The following PFKFB4 variants were observed in gnomAD, a reference collection of about 807,000 sequenced individuals.
PFKFB4 encodes the protein 6-phosphofructo-2-kinase/fructose-2,6-biphosphatase 4, also known as 6-phosphofructo-2-kinase/fructose-2,6-bisphosphatase 4.
PFKFB4 carries 42 observed loss-of-function variants against 62.8 expected under a neutral mutation model. That is an observed-to-expected ratio of 0.67 (90% CI 0.52 to 0.86). The LOEUF is 0.86. PFKFB4 is among the 40% of genes least tolerant of loss of function. PFKFB4 has a pLI of 0.00. For synonymous variants in PFKFB4, 204 were observed against 240.7 expected (o/e 0.85, Z 1.41); for missense variants, 475 against 627.2 (o/e 0.76, Z 2.59).
chr3:48,534,663 C>T (rs1327871936), intron 9 of PFKFB4, among the ~76,000 whole-genome samples: 27 of 131,620 alleles, frequency 2.1e-4, no homozygotes, highest in African/African-American at 7.4e-4. Context: ...AGAGTAAGAT[C>T]TTGTCTTGAA....
At chr3:48,533,855 A>T (rs2042508806) in intron 9 of PFKFB4, among the ~76,000 whole-genome samples, 1 of 152,188 alleles carries the variant, frequency 6.6e-6, no homozygotes, top group Non-Finnish European at 1.5e-5. Context: ...CCTCCGTCTC[A>T]AAAAAATAAA....
At chr3:48,559,907 CACA>C (rs2043406772), upstream of PFKFB4, 1 of 131,658 alleles carries the variant, frequency 7.6e-6, no homozygotes, top group Non-Finnish European at 1.4e-5. Flanking sequence ...ACCACACACA[CACA>C]CACACACACA....
intron 10 of PFKFB4, among the ~76,000 whole-genome samples, chr3:48,524,538 T>A (rs9871948): frequency 6.6e-6 from 1 of 152,228 alleles, no homozygotes; most frequent in Non-Finnish European, 1.5e-5. Context: ...GTTCTTTTGG[T>A]AACATGAATT....
intron 10 of PFKFB4, among the ~76,000 whole-genome samples, chr3:48,525,132 G>A (rs1005516099): frequency 2.6e-5 from 4 of 152,156 alleles, no homozygotes; most frequent in Non-Finnish European, 5.9e-5. Flanking sequence ...CCAGCCATTT[G>A]AGCGCCCCGG....
At chr3:48,554,316 C>G (rs1222110352) in intron 1 of PFKFB4, among the ~76,000 whole-genome samples, 1 of 152,210 alleles carries the variant, frequency 6.6e-6, no homozygotes, top group Non-Finnish European at 1.5e-5. Context: ...AATGCAGGCA[C>G]TGGGAGCTGG....
intron 12 of PFKFB4, among the ~76,000 whole-genome samples, chr3:48,523,308 C>G (rs1264530299): frequency 6.6e-6 from 1 of 152,076 alleles, no homozygotes; most frequent in Non-Finnish European, 1.5e-5. Context: ...CATCTGAACC[C>G]GGGAGGTGGA....
intron 13 of PFKFB4, among the ~76,000 whole-genome samples, chr3:48,520,772 C>G (rs1389473960): frequency 6.6e-6 from 1 of 152,198 alleles, no homozygotes; most frequent in Non-Finnish European, 1.5e-5. Context: ...CCATAGTGGG[C>G]AGAATGACCG....
At chr3:48,557,050 C>T, upstream of PFKFB4, 1 of 1,107,918 alleles carries the variant, frequency 9.0e-7, no homozygotes, top group Non-Finnish European at 1.2e-6. Context: ...GCATGCTCAA[C>T]TCCGGATTGT....
upstream of PFKFB4, chr3:48,561,903 G>A (rs2043438186): frequency 6.6e-6 from 1 of 152,328 alleles, no homozygotes; most frequent in Admixed American, 6.5e-5. This position sits in a 1 kb window ranked among gnomAD's most constrained non-coding sequence, Gnocchi z 5.2. Flanking sequence ...GTGGGACAGA[G>A]TTTGGTTGGA....
intron 9 of PFKFB4, 153 bp from the exon 10 acceptor site, chr3:48,525,822 T>C: frequency 2.2e-6 from 1 of 461,438 alleles, no homozygotes; most frequent in Non-Finnish European, 3.9e-6. Context: ...GGGGAGGACC[T>C]CTAGGAACAC....
chr3:48,556,886 A>C, upstream of PFKFB4: 6 of 1,449,826 alleles, frequency 4.1e-6, no homozygotes, highest in South Asian at 7.0e-5. The surrounding 1 kb of genome is among the most constrained non-coding windows in gnomAD (Gnocchi z 5.7). Context: ...AAGCCGCGAC[A>C]GCCCATGTCT....
At position 48,549,928 on chromosome 3, in the gene PFKFB4, C is replaced by G. The variant is rs143428445; in HGVS notation, c.247G>C (p.Val83Leu). Residue 83 changes from valine to leucine, a missense_variant, in exon 3 of 14, where the codon GTC (valine) becomes CTC (leucine). By Grantham distance (32) the Val-to-Leu change is conservative. Coordinates refer to ENST00000232375, the MANE Select transcript of PFKFB4 (RefSeq NM_004567.4). Reference protein sequence around the residue: ...FNVGQYRRDVVKTYKSFEFFL... With the variant: ...FNVGQYRRDVLKTYKSFEFFL... ...AATTCAAAAGATTTGTAGGTCTTGA[C>G]CACGTCCCGGCGATACTGGCCAACA... 2.3e-5 allele frequency: 37 copies of G among 1,613,714 alleles called. No homozygotes were observed. The African/African-American group carries it at 4.5e-4, about 20-fold the overall frequency.
At position 48,543,650 on chromosome 3, in the gene PFKFB4, CA is replaced by C; in HGVS notation, c.312-5del. ...GAGGGCTGCCAGGGCACACTGCCTTCAGGAGAGAAAACACAGGGTCAGCCCA... is the reference window on the plus strand; with the variant it reads ...GAGGGCTGCCAGGGCACACTGCCTTCGGAGAGAAAACACAGGGTCAGCCCA... On this transcript the variant is annotated splice_polypyrimidine_tract_variant and splice_region_variant and intron_variant, in intron 3 of 13. Transcript: ENST00000232375. 2 of 1,610,034 alleles carry C rather than the reference CA, an allele frequency of 1.2e-6. No homozygotes were observed. The highest frequency in any genetic ancestry group is 1.7e-6 in the Non-Finnish European group (2 of 1,178,440).
chr3:48,553,828 C>T (rs1403510189), intron 1 of PFKFB4, among the ~76,000 whole-genome samples: 1 of 152,222 alleles, frequency 6.6e-6, no homozygotes, highest in African/African-American at 2.4e-5. Flanking sequence ...GTCATCTCTC[C>T]TGTTGCCCTG....
upstream of PFKFB4, among the ~76,000 whole-genome samples, chr3:48,557,243 C>A (rs963456772): frequency 1.3e-5 from 2 of 152,174 alleles, no homozygotes; most frequent in Non-Finnish European, 2.9e-5. Flanking sequence ...AGCCCAGGGC[C>A]CCCAGGAGGG....
At chr3:48,535,408 T>C in intron 9 of PFKFB4, 104 bp downstream of exon 9, 1 of 1,034,474 alleles carries the variant, frequency 9.7e-7, no homozygotes, top group Non-Finnish European at 1.4e-6. Context: ...CCTTTCTCTC[T>C]CCTCTCCTTT....
intron 9 of PFKFB4, among the ~76,000 whole-genome samples, chr3:48,532,288 C>T (rs554666766): frequency 1.3e-5 from 2 of 152,044 alleles, no homozygotes; most frequent in Admixed American, 1.3e-4. Flanking sequence ...CCAGCCTGGG[C>T]GACAGAGCGA....
chr3:48,536,703 T>A, intron 7 of PFKFB4: 1 of 524,678 alleles, frequency 1.9e-6, no homozygotes, highest in Non-Finnish European at 3.4e-6. Context: ...TCACTCATCA[T>A]GCTTCCCAAA....
intron 7 of PFKFB4, among the ~76,000 whole-genome samples, chr3:48,537,772 G>A (rs928534080): frequency 2.0e-5 from 3 of 151,712 alleles, no homozygotes; most frequent in African/African-American, 4.8e-5. Context: ...CAATCCTCCC[G>A]CCTCAGCCTC....
Sources: gnomAD v4.1 joint callset for allele counts (sites outside exome capture counted in the v4.1 genomes callset) on GRCh38, gnomAD v4.1.1 for gene constraint, Gnocchi (gnomAD v3.1) non-coding constraint, MANE v1.5 for transcripts, NCBI Gene and HGNC (gene_info 2026-07-23, HGNC 2026-07-21) for gene names.